The following PGAP1 variants were observed in gnomAD, a reference collection of about 807,000 sequenced individuals.
PGAP1 encodes the protein GPI inositol-deacylase.
In PGAP1, 76 loss-of-function variants were observed where a neutral mutation model predicts 127.0. The ratio of observed to expected loss-of-function variants is 0.60; its 90% confidence interval spans 0.50 to 0.72. The LOEUF (loss-of-function observed/expected upper bound fraction) is 0.72. PGAP1 is among the 30% of genes least tolerant of loss of function. PGAP1 has a pLI of 0.00. For synonymous variants in PGAP1, 362 were observed against 366.5 expected (o/e 0.99, Z 0.14); for missense variants, 982 against 1,071.3 (o/e 0.92, Z 1.16).
intron 1 of PGAP1, among the ~76,000 whole-genome samples, chr2:196,926,162 G>A (rs1369140239): frequency 2.0e-5 from 3 of 152,082 alleles, no homozygotes; most frequent in Admixed American, 6.6e-5. Flanking sequence ...CCAGTCAGAA[G>A]AGCTTGTGCC....
At chr2:196,901,755 T>C (rs1419388841) in intron 5 of PGAP1, among the ~76,000 whole-genome samples, 1 of 152,230 alleles carries the variant, frequency 6.6e-6, no homozygotes, top group South Asian at 2.1e-4. Context: ...ATACTACTTA[T>C]ACTATCAAAG....
At chr2:196,898,218 A>C (rs1702349511) in intron 6 of PGAP1, 99 bp downstream of exon 6, 1 of 253,744 alleles carries the variant, frequency 3.9e-6, no homozygotes, top group East Asian at 1.1e-4. Flanking sequence ...ACTCTGTCTC[A>C]AAAAAAAAAA....
At chr2:196,841,504 T>TAGGTAAA in intron 26 of PGAP1, 132 bp from the exon 27 acceptor site, 1 of 701,208 alleles carries the variant, frequency 1.4e-6, no homozygotes, top group Non-Finnish European at 2.3e-6. Flanking sequence ...ATGATATGAA[T>TAGGTAAA]TTACCTATTC....
chr2:196,878,640 T>A (rs187790879), intron 13 of PGAP1, among the ~76,000 whole-genome samples: 1 of 152,312 alleles, frequency 6.6e-6, no homozygotes, highest in Admixed American at 6.5e-5. Context: ...CCATTACTAC[T>A]ATAGTTAAAA....
chr2:196,839,757 C>T lies in PGAP1; in HGVS notation c.*1477G>A, dbSNP rs933893873. 6.6e-6 allele frequency: 1 copy of T among 152,186 alleles called. No individual in the cohort carries two copies. Among genetic ancestry groups the T allele is most frequent in the Non-Finnish European group, 1.5e-5 (1 of 68,046 alleles). 9.4% of individuals were successfully genotyped at this position (152,186 alleles called of 1,614,324 possible). A position where few individuals can be genotyped will look rare whatever the true frequency, so the allele number is the denominator to read the frequency against. On this transcript the variant is annotated 3_prime_UTR_variant, in exon 27 of 27. Coordinates refer to ENST00000354764, the MANE Select transcript of PGAP1 (RefSeq NM_024989.4). ...AGAAGTAACTGTCCACAGGCAGTAACAGCTGAGAGGCTGTAATGGAATCCA... is the reference window on the plus strand; with the variant it reads ...AGAAGTAACTGTCCACAGGCAGTAATAGCTGAGAGGCTGTAATGGAATCCA...
chr2:196,844,750 T>A lies in PGAP1; in HGVS notation c.2287-176A>T, dbSNP rs79299994. Among the ~76,000 whole-genome samples the A allele has an allele frequency of 2.6e-3, 390 of 152,134 alleles. 3 individuals carry two copies. The highest frequency in any genetic ancestry group is 8.8e-3 in the African/African-American group (364 of 41,538). ...AAACAACAACTACACATGCTGGCTA[T>A]CATGGATTAAAAAACAAACAAAAGC... is the stretch of plus-strand genomic sequence containing the variant. On this transcript the variant is annotated intron_variant, in intron 23 of 26. Transcript: ENST00000354764.
chr2:196,864,804 C>T (rs1343514182), intron 20 of PGAP1, among the ~76,000 whole-genome samples, 183 bp downstream of exon 20: 2 of 152,158 alleles, frequency 1.3e-5, no homozygotes, highest in Admixed American at 1.3e-4. Flanking sequence ...AGAATAGTAG[C>T]TACTATTACG....
chr2:196,900,447 T>C lies in PGAP1; in HGVS notation c.808-2078A>G, dbSNP rs1483886256. Among the ~76,000 whole-genome samples the C allele has an allele frequency of 3.9e-5, 6 of 152,234 alleles. No homozygotes were observed. In the East Asian group the frequency reaches 9.6e-4, roughly 24 times the overall value. ...CATTTAACTATTCTTGAGACAATCATTCAAAAATTGTTACTGTTAATAACT... is the reference window on the plus strand; with the variant it reads ...CATTTAACTATTCTTGAGACAATCACTCAAAAATTGTTACTGTTAATAACT... On this transcript the variant is annotated intron_variant, in intron 5 of 26. Coordinates refer to ENST00000354764, the MANE Select transcript of PGAP1 (RefSeq NM_024989.4).
In PGAP1 at chr2:196,840,996, TA is replaced by T; in HGVS notation, c.*237del. ...GAGTCCTCAATGATAGTGATCACCATATATCCCTTCATGAATTTTTCAAAAA... is the reference window on the plus strand; with the variant it reads ...GAGTCCTCAATGATAGTGATCACCATTATCCCTTCATGAATTTTTCAAAAA... On this transcript the variant is annotated 3_prime_UTR_variant, in exon 27 of 27. Coordinates refer to ENST00000354764, the MANE Select transcript of PGAP1 (RefSeq NM_024989.4). The T allele has an allele frequency of 2.3e-6, 1 of 443,050 alleles. No homozygotes were observed. Among genetic ancestry groups the T allele is most frequent in the Admixed American group, 3.9e-5 (1 of 25,934 alleles). 27.4% of individuals were successfully genotyped at this position (443,050 alleles called of 1,614,324 possible).
At chr2:196,894,144 G>A (rs1333865630) in intron 7 of PGAP1, among the ~76,000 whole-genome samples, 1 of 152,186 alleles carries the variant, frequency 6.6e-6, no homozygotes, top group East Asian at 1.9e-4. Context: ...TGCTATCTTA[G>A]ATTGGGAGAC....
chr2:196,926,451 G>A lies in PGAP1; in HGVS notation c.147+19C>T. On this transcript the variant is annotated intron_variant, in intron 1 of 26. Coordinates refer to ENST00000354764, the MANE Select transcript of PGAP1 (RefSeq NM_024989.4). ...CCAGAGTCTTGGAGCGCCCGGCTGA[G>A]GAGAGGGCAGAACCTTACCTGATAC... is the stretch of plus-strand genomic sequence containing the variant. 2 of 1,613,906 alleles carry A rather than the reference G, an allele frequency of 1.2e-6. No individual in the cohort carries two copies. Among genetic ancestry groups the A allele is most frequent in the Non-Finnish European group, 1.7e-6 (2 of 1,179,928 alleles).
chr2:196,900,699 G>T (rs1181217747), intron 5 of PGAP1, among the ~76,000 whole-genome samples: 4 of 152,174 alleles, frequency 2.6e-5, no homozygotes, highest in African/African-American at 9.6e-5. Flanking sequence ...GCCAAGGCAG[G>T]TGAACCACGA....
At chr2:196,844,131 T>G in intron 24 of PGAP1, 56 bp from the exon 25 acceptor site, 1 of 1,043,056 alleles carries the variant, frequency 9.6e-7, no homozygotes, top group Non-Finnish European at 1.3e-6. Context: ...TATTACTTTA[T>G]TTAGAATCAT....
rs1477050088 is a variant in PGAP1 at position 196,833,982 on chromosome 2, AT to A, written c.*7251del. On this transcript the variant is annotated 3_prime_UTR_variant, in exon 27 of 27. Transcript: ENST00000354764. ...GAAATAATGTTTTAAAATATACTAC[AT>A]GAATGAGTTTATTAATTATTAAAAA... The A allele has an allele frequency of 6.6e-6, 1 of 152,130 alleles. No homozygotes were observed. The highest frequency in any genetic ancestry group is 6.5e-5 in the Admixed American group (1 of 15,296). The allele number at this position is 152,130 out of a possible 1,614,324, so 9.4% of individuals were successfully genotyped here.
At chr2:196,879,886 A>G (rs976164463) in intron 13 of PGAP1, among the ~76,000 whole-genome samples, 190 bp downstream of exon 13, 3 of 152,188 alleles carry the variant, frequency 2.0e-5, no homozygotes, top group Non-Finnish European at 2.9e-5. Flanking sequence ...ACTTGGAACA[A>G]AGAAACTTGG....
chr2:196,846,439 T>C (rs1700557874), intron 22 of PGAP1, among the ~76,000 whole-genome samples: 2 of 152,038 alleles, frequency 1.3e-5, no homozygotes, highest in Admixed American at 6.5e-5. Flanking sequence ...GGAAGAAGCA[T>C]CACACCCACC....
chr2:196,859,344 A>G (rs1700988153), intron 20 of PGAP1, among the ~76,000 whole-genome samples: 1 of 152,026 alleles, frequency 6.6e-6, no homozygotes, highest in Non-Finnish European at 1.5e-5. Flanking sequence ...ACAAACAAAA[A>G]CCAAGTAATG....
intron 2 of PGAP1, among the ~76,000 whole-genome samples, chr2:196,918,262 T>C (rs1703079023): frequency 6.6e-6 from 1 of 152,134 alleles, no homozygotes; most frequent in Admixed American, 6.6e-5. Flanking sequence ...ATATACTGCT[T>C]TTAGGAATAT....
At chr2:196,902,463 A>T in intron 5 of PGAP1, 122 bp downstream of exon 5, 3 of 725,040 alleles carry the variant, frequency 4.1e-6, no homozygotes, top group Non-Finnish European at 6.7e-6. Flanking sequence ...ATGCATGCCC[A>T]CACAGCAGTC....
Sources: gnomAD v4.1 joint callset for allele counts (sites outside exome capture counted in the v4.1 genomes callset) on GRCh38, gnomAD v4.1.1 for gene constraint, MANE v1.5 for transcripts, NCBI Gene and HGNC (gene_info 2026-07-23, HGNC 2026-07-21) for gene names.